The following RCBTB2 variants were observed in gnomAD, a reference collection of about 807,000 sequenced individuals.
RCBTB2 encodes the protein RCC1 and BTB domain-containing protein 2.
RCBTB2 carries 55 observed loss-of-function variants against 65.4 expected under a neutral mutation model. The ratio of observed to expected loss-of-function variants is 0.84; its 90% confidence interval spans 0.68 to 1.05. The LOEUF (loss-of-function observed/expected upper bound fraction) is 1.05. RCBTB2 is among the 50% of genes least tolerant of loss of function. RCBTB2 has a pLI of 0.00. For missense variants in RCBTB2, 599 were observed against 680.1 expected, an observed-to-expected ratio of 0.88 and a Z score of 1.33; for synonymous variants, 220 against 255.2, an observed-to-expected ratio of 0.86 and a Z score of 1.31.
Position 48,510,019 on chromosome 13 carries a change from CCAAAGGCTTTCAAAAATAT to C in RCBTB2, c.926+591_926+609del, listed in dbSNP as rs575864546. On this transcript the variant is annotated intron_variant, in intron 10 of 14. Transcript: ENST00000344532. ...GTGATCTGACCATGCTTGAGAAATT[CCAAAGGCTTTCAAAAATAT>C]CAGAATAACGTGGAAACTAATTCTG... is the stretch of plus-strand genomic sequence containing the variant. Among the ~76,000 whole-genome samples the C allele has an allele frequency of 1.2e-4, 18 of 152,276 alleles. No individual in the cohort carries two copies. In the East Asian group the frequency reaches 2.1e-3, roughly 18 times the overall value.
At chr13:48,518,499 A>G (rs1435024096) in intron 4 of RCBTB2, among the ~76,000 whole-genome samples, 1 of 145,026 alleles carries the variant, frequency 6.9e-6, no homozygotes, top group East Asian at 2.0e-4. Flanking sequence ...ATATATATTT[A>G]CCTCTTAGAG....
At chr13:48,492,712 G>A (rs1275811911) in intron 14 of RCBTB2, 3 of 152,026 alleles carry the variant, frequency 2.0e-5, no homozygotes, top group Admixed American at 2.0e-4. Context: ...GCAGGAAACG[G>A]TCTGCTGGTT....
At chr13:48,524,237 C>T (rs1951583579) in intron 2 of RCBTB2, among the ~76,000 whole-genome samples, 1 of 152,036 alleles carries the variant, frequency 6.6e-6, no homozygotes, top group Admixed American at 6.5e-5. Context: ...TGTGATTTCA[C>T]CAGGCTATTA....
At position 48,517,691 on chromosome 13, in the gene RCBTB2, A is replaced by C. The variant is rs566756972; in HGVS notation, c.43-1950T>G. On this transcript the variant is annotated intron_variant, in intron 4 of 14. Coordinates refer to ENST00000344532, the MANE Select transcript of RCBTB2 (RefSeq NM_001268.4). ...TGTTTTCAGGTTTCTATCTTTTCTGAATAATCTTCATGGCACTATTGAATG... is the reference window on the plus strand; with the variant it reads ...TGTTTTCAGGTTTCTATCTTTTCTGCATAATCTTCATGGCACTATTGAATG... 7.9e-5 allele frequency among the ~76,000 whole-genome samples: 12 copies of C among 152,318 alleles called. No homozygotes were observed. The South Asian group carries it at 2.3e-3, about 29-fold the overall frequency.
Position 48,512,934 on chromosome 13 carries a change from T to C in RCBTB2, c.350-39A>G, listed in dbSNP as rs1284445082. ...GAAAGACAATCAGTTTTTTACAACA[T>C]CTACTTCATTATACGAAAATATATG... On this transcript the variant is annotated intron_variant, in intron 6 of 14. Transcript: ENST00000344532. 4.5e-6 allele frequency: 7 copies of C among 1,540,150 alleles called. No individual in the cohort carries two copies. In the African/African-American group the frequency reaches 6.9e-5, roughly 15 times the overall value.
At chr13:48,504,332 T>C in intron 10 of RCBTB2, 1 of 985,412 alleles carries the variant, frequency 1.0e-6, no homozygotes, top group Non-Finnish European at 1.2e-6. Flanking sequence ...CATAACTCCA[T>C]CCATGATTTG....
intron 10 of RCBTB2, among the ~76,000 whole-genome samples, chr13:48,508,029 G>A (rs1051722699): frequency 1.3e-5 from 2 of 152,292 alleles, no homozygotes; most frequent in African/African-American, 4.8e-5. Flanking sequence ...TCCCTTGGAT[G>A]GTTGCTCCAG....
chr13:48,524,315 T>C (rs919834975), intron 2 of RCBTB2, among the ~76,000 whole-genome samples: 6 of 152,244 alleles, frequency 3.9e-5, no homozygotes, highest in African/African-American at 1.2e-4. Context: ...ATATCCATGA[T>C]GTGATAAAAT....
At chr13:48,502,454 C>T (rs962534961) in intron 11 of RCBTB2, among the ~76,000 whole-genome samples, 1 of 151,812 alleles carries the variant, frequency 6.6e-6, no homozygotes, top group Non-Finnish European at 1.5e-5. Context: ...GATTGCACCA[C>T]CGCACTCCAG....
Position 48,515,369 on chromosome 13 carries a change from C to T in RCBTB2, c.199-14G>A, listed in dbSNP as rs1311598557. The T allele has an allele frequency of 1.9e-6, 3 of 1,611,222 alleles. No individual in the cohort carries two copies. Among genetic ancestry groups the T allele is most frequent in the African/African-American group, 2.7e-5 (2 of 74,716 alleles). On this transcript the variant is annotated splice_polypyrimidine_tract_variant and intron_variant, in intron 5 of 14. Transcript: ENST00000344532. ...AAGCACAAAAATCTATGGGAAAAAC[C>T]ACTGTTAGTTCAAGCAGTTCTATTT...
At chr13:48,518,475 ATAT>A (rs1566314631) in intron 4 of RCBTB2, among the ~76,000 whole-genome samples, 7 of 93,650 alleles carry the variant, frequency 7.5e-5, no homozygotes, top group African/African-American at 2.6e-4. Context: ...AAAAAAAAAT[ATAT>A]ATATATATAT....
chr13:48,493,327 T>TCCACACACACACACACA (rs1949819244), intron 14 of RCBTB2, among the ~76,000 whole-genome samples: 4 of 125,134 alleles, frequency 3.2e-5, no homozygotes, highest in African/African-American at 1.7e-4. Flanking sequence ...TCTCTCTCTC[T>TCCACACACACACACACA]CTCTCTCTCT....
rs531464337 is a variant in RCBTB2 at position 48,504,368 on chromosome 13, C to G, written c.927-1454G>C. 6 of 984,210 alleles carry G rather than the reference C, an allele frequency of 6.1e-6. No homozygotes were observed. In the African/African-American group the frequency reaches 1.0e-4, roughly 17 times the overall value. The allele number at this position is 984,210 out of a possible 1,614,324, so 61.0% of individuals were successfully genotyped here. The stretch of plus-strand genomic sequence containing the variant: ...GCGTCACCTCTGTACAGACATCTCA[C>G]AAGTCAATTTTGTCCACACACCCTG... On this transcript the variant is annotated intron_variant, in intron 10 of 14. Transcript: ENST00000344532.
rs751714059 is a variant in RCBTB2, at chr13:48,496,201, T to C, written c.1505A>G (p.Tyr502Cys). The change falls in exon 14 of 15, where the codon TAT becomes TGT. Residue 502 changes from tyrosine (Y) to cysteine (C), a missense_variant. Physicochemically the swap from Tyr to Cys is radical, Grantham distance 194 (BLOSUM62 -2). Transcript: ENST00000344532. ...AIALLSAAVKYDAQDLEEFCF... is the reference protein window; with the variant it reads ...AIALLSAAVKCDAQDLEEFCF... ...GCAAGCTTTCCTTACCTGTGCATCA[T>C]ACTTCACCGCAGCCGAGAGCAGAGC... 1.3e-6 allele frequency: 2 copies of C among 1,525,526 alleles called. No homozygotes were observed. The highest frequency in any genetic ancestry group is 1.3e-5 in the South Asian group (1 of 79,726). 94.5% of individuals were successfully genotyped at this position (1,525,526 alleles called of 1,614,324 possible).
At chr13:48,503,193 A>G (rs1950325705) in intron 10 of RCBTB2, among the ~76,000 whole-genome samples, 1 of 152,226 alleles carries the variant, frequency 6.6e-6, no homozygotes, top group African/African-American at 2.4e-5. Flanking sequence ...GCCTATAAAA[A>G]TATGCACCAT....
chr13:48,534,711 G>A (rs1952335822), upstream of RCBTB2, among the ~76,000 whole-genome samples: 1 of 152,104 alleles, frequency 6.6e-6, no homozygotes, highest in South Asian at 2.1e-4. Context: ...TTCCCAGGGC[G>A]GTCAAAATTA....
At chr13:48,513,452 T>C (rs1293937822) in intron 6 of RCBTB2, among the ~76,000 whole-genome samples, 1 of 152,292 alleles carries the variant, frequency 6.6e-6, no homozygotes, top group Non-Finnish European at 1.5e-5. Flanking sequence ...AAATGTTTAG[T>C]TTTTCCTGTT....
intron 1 of RCBTB2, among the ~76,000 whole-genome samples, chr13:48,525,354 A>C (rs1951653383): frequency 7.3e-6 from 1 of 137,730 alleles, no homozygotes; most frequent in South Asian, 2.4e-4. Flanking sequence ...CACAATTCAA[A>C]AGTGAGCAAA....
chr13:48,507,476 G>GA (rs1030331696), intron 10 of RCBTB2, among the ~76,000 whole-genome samples: 2 of 151,824 alleles, frequency 1.3e-5, no homozygotes, highest in Admixed American at 6.6e-5. Context: ...ATCTTAATGG[G>GA]AAAAAAAATC....
Sources: allele counts gnomAD v4.1 joint callset (sites outside exome capture counted in the v4.1 genomes callset), GRCh38; gene constraint gnomAD v4.1.1; transcripts MANE v1.5; gene names NCBI Gene and HGNC (gene_info 2026-07-23, HGNC 2026-07-21).